GSDME: variants seen among roughly 807,000 people sequenced by gnomAD.
The protein encoded by GSDME is gasdermin-E.
GSDME carries 44 observed loss-of-function variants against 47.5 expected under a neutral mutation model. The ratio of observed to expected loss-of-function variants is 0.93; its 90% CI spans 0.73 to 1.19. The LOEUF (loss-of-function observed/expected upper bound fraction) is 1.19, where lower values mean the gene tolerates loss of function less well. Ranked by LOEUF, GSDME falls within the 50% of genes most tolerant of loss-of-function variation. The pLI, the probability that GSDME is intolerant of heterozygous loss-of-function variation, is 0.00. For synonymous variants in GSDME, 258 were observed against 252.8 expected (o/e 1.02, Z -0.20); for missense variants, 663 against 604.2 (o/e 1.10, Z -1.02).
chr7:24,793,642 C>T, the GSDME span, among the ~76,000 whole-genome samples: 1 of 152,112 alleles, frequency 6.6e-6, no homozygotes. Flanking sequence ...TCTTGTTTCA[C>T]GACTTTCACA....
chr7:24,793,869 T>C, the GSDME span, among the ~76,000 whole-genome samples: 3 of 152,128 alleles, frequency 2.0e-5, no homozygotes, highest in African/African-American at 4.8e-5. Flanking sequence ...ATTTTTCTAC[T>C]TTTTTTCTGT....
At chr7:24,794,333 T>G in the GSDME span, among the ~76,000 whole-genome samples, 1 of 151,636 alleles carries the variant, frequency 6.6e-6, no homozygotes, top group Admixed American at 6.6e-5. Context: ...CTGCTGGTCT[T>G]TCCTTGCCTC....
At chr7:24,702,404 C>G (rs905994960) in intron 9 of GSDME, 1 of 356,934 alleles carries the variant, frequency 2.8e-6, no homozygotes, top group Admixed American at 3.8e-5. Flanking sequence ...AGTCTTAGCA[C>G]AAAACTGCCA....
intron 9 of GSDME, chr7:24,702,401 G>A: frequency 2.8e-6 from 1 of 356,756 alleles, no homozygotes; most frequent in South Asian, 2.2e-5. Flanking sequence ...ACCAGTCTTA[G>A]CACAAAACTG....
In GSDME at chr7:24,745,274, C is replaced by A. The variant is rs1219289100; in HGVS notation, c.212-520G>T. On this transcript the variant is annotated intron_variant, in intron 2 of 9. Transcript: ENST00000645220. This position sits in a 1 kb window ranked among gnomAD's most constrained non-coding sequence, Gnocchi z 4.4. Reference sequence around the variant, plus strand: ...ACTAAACAGAGAGAGAACAGCAGCCCCTATTCTGGATGCACCGCGAGAGGA... The same window carrying A: ...ACTAAACAGAGAGAGAACAGCAGCCACTATTCTGGATGCACCGCGAGAGGA... Among the ~76,000 whole-genome samples, 1 of 152,066 alleles carries A rather than the reference C, an allele frequency of 6.6e-6. No individual in the cohort carries two copies. The highest frequency in any genetic ancestry group is 2.4e-5 in the African/African-American group (1 of 41,388).
intron 4 of GSDME, among the ~76,000 whole-genome samples, chr7:24,718,676 A>T (rs1250966104): frequency 6.6e-6 from 1 of 152,152 alleles, no homozygotes; most frequent in Non-Finnish European, 1.5e-5. Context: ...TCAGGAATGA[A>T]CATATCCCGG....
At chr7:24,727,812 C>G (rs986950372) in intron 3 of GSDME, among the ~76,000 whole-genome samples, 1 of 152,252 alleles carries the variant, frequency 6.6e-6, no homozygotes, top group Non-Finnish European at 1.5e-5. Context: ...CCGATTTCCC[C>G]TCCAAGGGAG....
the GSDME span, among the ~76,000 whole-genome samples, chr7:24,792,534 T>A: frequency 6.6e-6 from 1 of 152,330 alleles, no homozygotes; most frequent in Admixed American, 6.5e-5. Flanking sequence ...AATGCAAGTT[T>A]GAGGCGAAAT....
At chr7:24,782,702 G>A in the GSDME span, among the ~76,000 whole-genome samples, 8 of 152,234 alleles carry the variant, frequency 5.3e-5, no homozygotes, top group East Asian at 3.9e-4. Context: ...AACTGTTCCT[G>A]TTTCTCCACA....
the GSDME span, among the ~76,000 whole-genome samples, chr7:24,787,218 G>A: frequency 1.3e-5 from 2 of 152,296 alleles, no homozygotes; most frequent in East Asian, 1.9e-4. This position sits in a 1 kb window ranked among gnomAD's most constrained non-coding sequence, Gnocchi z 5.0. Flanking sequence ...CATGAGTCAC[G>A]CTGGCTGCCA....
chr7:24,719,920 C>G (rs1256553657), intron 3 of GSDME, among the ~76,000 whole-genome samples: 2 of 151,960 alleles, frequency 1.3e-5, no homozygotes, highest in Non-Finnish European at 2.9e-5. Context: ...CAGCCATGGC[C>G]CAGGGAATAC....
At position 24,705,984 on chromosome 7, in the gene GSDME, G is replaced by A; in HGVS notation, c.1183+200C>T. The A allele has an allele frequency of 2.8e-5, 19 of 682,122 alleles. No homozygotes were observed. In the South Asian group the frequency reaches 3.3e-4, roughly 12 times the overall value. 42.3% of individuals were successfully genotyped at this position (682,122 alleles called of 1,614,324 possible). A position where few individuals can be genotyped will look rare whatever the true frequency, so the allele number is the denominator to read the frequency against. Reference sequence around the variant, plus strand: ...CCGGGAGAGTAGGGAGGCTTGTGCTGGATGGAAAGGCACAGACTCGAGACC... The same window carrying A: ...CCGGGAGAGTAGGGAGGCTTGTGCTAGATGGAAAGGCACAGACTCGAGACC... On this transcript the variant is annotated intron_variant, in intron 8 of 9. Transcript: ENST00000645220. This position sits in a 1 kb window ranked among gnomAD's most constrained non-coding sequence, Gnocchi z 4.1.
At chr7:24,703,242 C>T (rs1788953569) in intron 8 of GSDME, 1 of 335,210 alleles carries the variant, frequency 3.0e-6, no homozygotes, top group Admixed American at 4.1e-5. Flanking sequence ...CCTCATTTAC[C>T]ATAGTTGTTT....
At chr7:24,723,422 C>T (rs1013094071) in intron 3 of GSDME, among the ~76,000 whole-genome samples, 3 of 152,202 alleles carry the variant, frequency 2.0e-5, no homozygotes, top group African/African-American at 7.2e-5. Flanking sequence ...GAACAGAAAT[C>T]ACCATGCAAC....
chr7:24,750,994 T>C (rs528497310), intron 1 of GSDME, among the ~76,000 whole-genome samples: 32 of 152,282 alleles, frequency 2.1e-4, no homozygotes, highest in African/African-American at 7.2e-4. Context: ...AGAGGTTTCT[T>C]TGAGGAAAAA....
chr7:24,742,977 C>A lies in GSDME; in HGVS notation c.404+1585G>T, dbSNP rs1790537697. 6.6e-6 allele frequency among the ~76,000 whole-genome samples: 1 copy of A among 152,164 alleles called. No homozygotes were observed. Among genetic ancestry groups the A allele is most frequent in the African/African-American group, 2.4e-5 (1 of 41,434 alleles). On this transcript the variant is annotated intron_variant, in intron 3 of 9. Transcript: ENST00000645220. The surrounding 1 kb of genome is among the most constrained non-coding windows in gnomAD (Gnocchi z 4.4). Reference sequence around the variant, plus strand: ...CAGCTGTCCCTTCTACCTGGTGCTACCAGAGAGAACTTCAAATCATCTGAC... The same window carrying A: ...CAGCTGTCCCTTCTACCTGGTGCTAACAGAGAGAACTTCAAATCATCTGAC...
At chr7:24,749,364 T>C (rs1183006628) in intron 2 of GSDME, among the ~76,000 whole-genome samples, 200 bp downstream of exon 2, 4 of 151,788 alleles carry the variant, frequency 2.6e-5, no homozygotes, top group Non-Finnish European at 5.9e-5. Context: ...TAGCTGGGCG[T>C]GGTGGTGGGT....
intron 3 of GSDME, among the ~76,000 whole-genome samples, chr7:24,740,368 T>G (rs2721807): frequency 0.48 from 72,175 of 151,580 alleles, 19,249 homozygotes; most frequent in East Asian, 0.83. Context: ...TCTAGTATTT[T>G]ATAACATAAC....
chr7:24,777,002 AATAAT>A, the GSDME span, among the ~76,000 whole-genome samples: 122 of 152,126 alleles, frequency 8.0e-4, no homozygotes, highest in South Asian at 1.7e-3. Context: ...TAGTTCTATA[AATAAT>A]ATAATTGTTA....
Sources: allele counts gnomAD v4.1 joint callset (sites outside exome capture counted in the v4.1 genomes callset), GRCh38; gene constraint gnomAD v4.1.1; non-coding constraint Gnocchi (gnomAD v3.1); transcripts MANE v1.5; gene names NCBI Gene and HGNC (gene_info 2026-07-23, HGNC 2026-07-21).